ARFGAP3: variants seen among roughly 807,000 people sequenced by gnomAD.
ARFGAP3 encodes ADP-ribosylation factor GTPase-activating protein 3.
ARFGAP3 carries 72 observed loss-of-function variants against 75.0 expected under a neutral mutation model. The observed-to-expected ratio is 0.96, with a 90% CI of 0.79 to 1.17. The LOEUF is 1.17. Ranked by LOEUF, ARFGAP3 falls within the 50% of genes most tolerant of loss-of-function variation. The pLI is 0.00. For synonymous variants in ARFGAP3, 221 were observed against 217.9 expected, an observed-to-expected ratio of 1.01 and a Z score of -0.13; for missense variants, 620 against 626.6, an observed-to-expected ratio of 0.99 and a Z score of 0.11.
intron 6 of ARFGAP3, among the ~76,000 whole-genome samples, chr22:42,831,076 G>C (rs1051622438): frequency 6.6e-6 from 1 of 152,030 alleles, no homozygotes; most frequent in South Asian, 2.1e-4. Flanking sequence ...AAGGCGGGTG[G>C]ATCACCTGAG....
At chr22:42,817,977 A>T in intron 9 of ARFGAP3, 120 bp from the exon 10 acceptor site, 3 of 1,261,496 alleles carry the variant, frequency 2.4e-6, no homozygotes, top group South Asian at 1.9e-5. Flanking sequence ...TCCATAATTA[A>T]CAATTATGAA....
intron 3 of ARFGAP3, among the ~76,000 whole-genome samples, chr22:42,839,703 T>C (rs934873233): frequency 3.3e-5 from 5 of 152,138 alleles, no homozygotes; most frequent in African/African-American, 1.2e-4. Context: ...ACCCCAGTTA[T>C]TAAAAAACTA....
At chr22:42,819,409 T>C (rs896071921) in intron 9 of ARFGAP3, among the ~76,000 whole-genome samples, 2 of 152,230 alleles carry the variant, frequency 1.3e-5, no homozygotes, top group Admixed American at 6.5e-5. Context: ...TTTTCCTTCC[T>C]AGGTAATCTG....
At chr22:42,845,276 G>GTA (rs1335921716) in intron 2 of ARFGAP3, among the ~76,000 whole-genome samples, 1,527 of 152,300 alleles carry the variant, frequency 0.01, 10 homozygotes, top group Admixed American at 0.018. Context: ...GGTAATCCCA[G>GTA]CACTTTGGGA....
Position 42,807,146 on chromosome 22 carries a change from G to A in ARFGAP3, c.1338C>T (p.Arg446=), listed in dbSNP as rs1321868374. Reference sequence around the variant, plus strand: ...AGGAACTTGCCGACAGCCTCTCTAGGCGGGCCCTGGTCTCATACTAGAGAA... The same window carrying A: ...AGGAACTTGCCGACAGCCTCTCTAGACGGGCCCTGGTCTCATACTAGAGAA... ...QSQADYETRA[R]LERLSASSSI... Residue 446 remains arginine, a synonymous_variant, in exon 14 of 16, where the codon CGC becomes CGT. Transcript: ENST00000263245. The A allele has an allele frequency of 1.2e-6, 2 of 1,612,140 alleles. No individual in the cohort carries two copies. Among genetic ancestry groups the A allele is most frequent in the African/African-American group, 2.7e-5 (2 of 74,882 alleles).
At chr22:42,815,629 A>T (rs1185544311) in intron 11 of ARFGAP3, among the ~76,000 whole-genome samples, 1 of 152,188 alleles carries the variant, frequency 6.6e-6, no homozygotes, top group African/African-American at 2.4e-5. Flanking sequence ...ACACACATAT[A>T]TATCTTTTAT....
chr22:42,833,337 G>A (rs942705172), intron 5 of ARFGAP3, among the ~76,000 whole-genome samples: 1 of 152,164 alleles, frequency 6.6e-6, no homozygotes, highest in Non-Finnish European at 1.5e-5. Context: ...CTGAACTGTG[G>A]CACACTACTA....
chr22:42,826,948 G>A lies in ARFGAP3; in HGVS notation c.617C>T (p.Ala206Val). The part of the protein sequence containing the change: ...SVEGLNVPTK[A>V]TLEVSSIIKK... The stretch of plus-strand genomic sequence containing the variant: ...GATTTTAAGCATATTACCTAAAGTA[G>A]CCTTTGTTGGTACATTAAGACCTTC... The change falls in exon 7 of 16, where the codon GCT (alanine) becomes GTT (valine). Residue 206 changes from alanine to valine, a missense_variant. Coordinates refer to ENST00000263245, the MANE Select transcript of ARFGAP3 (RefSeq NM_014570.5). The A allele has an allele frequency of 6.2e-7, 1 of 1,612,912 alleles. No individual in the cohort carries two copies. The highest frequency in any genetic ancestry group is 8.5e-7 in the Non-Finnish European group (1 of 1,179,522).
At chr22:42,803,204 T>G (rs552715626) in intron 14 of ARFGAP3, among the ~76,000 whole-genome samples, 11 of 152,248 alleles carry the variant, frequency 7.2e-5, no homozygotes, top group African/African-American at 2.6e-4. Context: ...GGGGTCCCAC[T>G]ATGTTGTCCA....
At chr22:42,831,341 G>GTTT (rs150841532) in intron 6 of ARFGAP3, among the ~76,000 whole-genome samples, 2 of 140,924 alleles carry the variant, frequency 1.4e-5, no homozygotes, top group African/African-American at 2.6e-5. Context: ...TTAGGTTTCA[G>GTTT]TTTTTTTTTT....
At chr22:42,841,919 G>T (rs1177295832) in intron 2 of ARFGAP3, among the ~76,000 whole-genome samples, 2 of 149,188 alleles carry the variant, frequency 1.3e-5, no homozygotes, top group Non-Finnish European at 3.0e-5. Flanking sequence ...GAATGGAGTG[G>T]TGTGATCACA....
Position 42,835,433 on chromosome 22 carries a change from G to T in ARFGAP3, c.322C>A (p.Arg108Ser), listed in dbSNP as rs376025653. The part of the protein sequence containing the change: ...TNDTNAKYNS[R>S]AAQLYREKIK... ...TTCTCCCTATAGAGCTGAGCAGCAC[G>T]ACTGTTGTACTTGGCATTGGTGTCA... The change falls in exon 4 of 16, where the codon CGT becomes AGT. Residue 108 changes from arginine to serine, a missense_variant. Transcript: ENST00000263245. 19 of 1,614,124 alleles carry T rather than the reference G, an allele frequency of 1.2e-5. No individual in the cohort carries two copies. The East Asian group carries it at 4.0e-4, about 34-fold the overall frequency.
intron 2 of ARFGAP3, among the ~76,000 whole-genome samples, chr22:42,842,309 T>C (rs1411584070): frequency 1.7e-5 from 1 of 60,504 alleles, no homozygotes; most frequent in African/African-American, 5.0e-5. Context: ...CTGGCCTTTT[T>C]TTTTTTTTTT....
rs1925164666 is a variant in ARFGAP3 at position 42,807,184 on chromosome 22, G to A, written c.1321-21C>T. On this transcript the variant is annotated intron_variant, in intron 13 of 15. Coordinates refer to ENST00000263245, the MANE Select transcript of ARFGAP3 (RefSeq NM_014570.5). The stretch of plus-strand genomic sequence containing the variant: ...TCATACTAGAGAAGACAAGGAAAAG[G>A]AAATGTTAGGCTCCAAAGATTGTGG... The A allele has an allele frequency of 4.4e-6, 7 of 1,593,490 alleles. No homozygotes were observed. In the East Asian group the frequency reaches 1.1e-4, roughly 25 times the overall value.
intron 10 of ARFGAP3, 56 bp from the exon 11 acceptor site, chr22:42,817,320 A>G (rs1003903402): frequency 6.5e-7 from 1 of 1,537,588 alleles, no homozygotes; most frequent in African/African-American, 1.4e-5. Context: ...TTGTTTCACC[A>G]AAATAAACAA....
intron 11 of ARFGAP3, among the ~76,000 whole-genome samples, chr22:42,816,397 T>C (rs908553702): frequency 6.6e-6 from 1 of 152,212 alleles, no homozygotes; most frequent in African/African-American, 2.4e-5. Flanking sequence ...ATCTGGCCCC[T>C]GGGCCCATAT....
chr22:42,845,641 AAAAG>A (rs1926984399), intron 2 of ARFGAP3, among the ~76,000 whole-genome samples: 1 of 152,206 alleles, frequency 6.6e-6, no homozygotes, highest in South Asian at 2.1e-4. Context: ...ATCCGCATAC[AAAAG>A]AATGAAGTTG....
At chr22:42,849,003 G>A (rs146094107) in intron 1 of ARFGAP3, among the ~76,000 whole-genome samples, 70 of 152,254 alleles carry the variant, frequency 4.6e-4, no homozygotes, top group African/African-American at 1.6e-3. Flanking sequence ...GGGAAGCCAG[G>A]TGCCATGTCT....
chr22:42,822,542 T>A, intron 8 of ARFGAP3, 133 bp from the exon 9 acceptor site: 3 of 1,085,410 alleles, frequency 2.8e-6, no homozygotes, highest in Non-Finnish European at 3.9e-6. Flanking sequence ...GGCTTAGTCC[T>A]CAGAACTCTG....
Sources: allele counts gnomAD v4.1 joint callset (sites outside exome capture counted in the v4.1 genomes callset), GRCh38; gene constraint gnomAD v4.1.1; transcripts MANE v1.5; gene names NCBI Gene and HGNC (gene_info 2026-07-23, HGNC 2026-07-21).